TMBIM4: variants seen among roughly 807,000 people sequenced by gnomAD.
TMBIM4 encodes the protein protein lifeguard 4.
In TMBIM4, 28 loss-of-function variants were observed where a neutral mutation model predicts 27.7. The ratio of observed to expected loss-of-function variants is 1.01; its 90% confidence interval spans 0.75 to 1.38. The LOEUF is 1.38. Ranked by LOEUF, TMBIM4 falls within the 40% of genes most tolerant of loss-of-function variation. The pLI is 0.00. For missense variants in TMBIM4, 265 were observed against 277.5 expected (o/e 0.95, Z 0.32); for synonymous variants, 115 against 113.1 (o/e 1.02, Z -0.11).
At chr12:66,159,727 A>C (rs891902430) in intron 1 of TMBIM4, among the ~76,000 whole-genome samples, 3 of 152,006 alleles carry the variant, frequency 2.0e-5, no homozygotes, top group African/African-American at 7.2e-5. Context: ...GCCACCCTAA[A>C]CGCTAGTTTC....
chr12:66,163,189 TTC>T (rs2052070764), intron 1 of TMBIM4, among the ~76,000 whole-genome samples: 1 of 152,190 alleles, frequency 6.6e-6, no homozygotes, highest in African/African-American at 2.4e-5. Flanking sequence ...AGGTGACCCA[TTC>T]TCTGTCTTCC....
chr12:66,152,309 G>C lies in TMBIM4; in HGVS notation c.274C>G (p.His92Asp). ...AGGTACAGGTTAAGGGGATACTTAT[G>C]TCTGTTTAAAATCAACGCAAAAATC... Reference protein sequence around the residue: ...GLIFALILNRHKYPLNLYLLF... With the variant: ...GLIFALILNRDKYPLNLYLLF... Residue 92 changes from histidine (H) to aspartate (D), a missense_variant, in exon 3 of 7, where the codon CAT becomes GAT. Physicochemically the swap from His to Asp is moderately conservative, Grantham distance 81 (BLOSUM62 -1). Transcript: ENST00000358230. 1 of 1,609,468 alleles carries C rather than the reference G, an allele frequency of 6.2e-7. No homozygotes were observed. The highest frequency in any genetic ancestry group is 8.5e-7 in the Non-Finnish European group (1 of 1,177,370).
At chr12:66,148,470 G>A (rs77974709) in intron 3 of TMBIM4, among the ~76,000 whole-genome samples, 2 of 152,088 alleles carry the variant, frequency 1.3e-5, no homozygotes, top group Non-Finnish European at 1.5e-5. Context: ...GTCTGACTAC[G>A]TAACGATACT....
intron 3 of TMBIM4, among the ~76,000 whole-genome samples, chr12:66,150,824 T>A (rs1342744324): frequency 6.6e-6 from 1 of 152,068 alleles, no homozygotes; most frequent in East Asian, 1.9e-4. Flanking sequence ...AAATTAAAGA[T>A]AGAAAAAGGG....
At chr12:66,139,582 GCGGTCTCCTTGA>G in intron 5 of TMBIM4, 1 of 455,934 alleles carries the variant, frequency 2.2e-6, no homozygotes, top group Non-Finnish European at 4.4e-6. Context: ...ACAGTCACTT[GCGGTCTCCTTGA>G]GTTGAGCAGA....
At chr12:66,165,417 TC>T (rs2052109079) in intron 1 of TMBIM4, among the ~76,000 whole-genome samples, 1 of 134,104 alleles carries the variant, frequency 7.5e-6, no homozygotes, top group Admixed American at 7.4e-5. Flanking sequence ...GTATATATGA[TC>T]CTTTTTTTTT....
At chr12:66,159,729 G>A (rs796989732) in intron 1 of TMBIM4, among the ~76,000 whole-genome samples, 3 of 152,056 alleles carry the variant, frequency 2.0e-5, no homozygotes, top group Admixed American at 6.6e-5. Flanking sequence ...CACCCTAAAC[G>A]CTAGTTTCTA....
intron 3 of TMBIM4, among the ~76,000 whole-genome samples, chr12:66,151,301 T>A (rs2051841499): frequency 6.6e-6 from 1 of 152,196 alleles, no homozygotes; most frequent in Non-Finnish European, 1.5e-5. Flanking sequence ...TCACGTGATC[T>A]CAGCTCACTG....
intron 1 of TMBIM4, chr12:66,169,206 C>T (rs765802877): frequency 2.9e-6 from 2 of 691,744 alleles, no homozygotes; most frequent in East Asian, 2.7e-5. Context: ...ATGGCTTCCA[C>T]GTAGATGAAG....
intron 2 of TMBIM4, 42 bp from the exon 3 acceptor site, chr12:66,152,418 T>C: frequency 2.2e-6 from 3 of 1,338,344 alleles, no homozygotes; most frequent in Non-Finnish European, 3.2e-6. Context: ...AAAGAAAAAA[T>C]AGCATGAGCA....
intron 1 of TMBIM4, among the ~76,000 whole-genome samples, chr12:66,156,622 T>G (rs2051940727): frequency 1.3e-5 from 2 of 152,166 alleles, no homozygotes; most frequent in Admixed American, 1.3e-4. Context: ...CTTAAATACT[T>G]AAATAATCGT....
chr12:66,166,324 G>A (rs1158285418), intron 1 of TMBIM4, among the ~76,000 whole-genome samples: 2 of 151,952 alleles, frequency 1.3e-5, no homozygotes, highest in Non-Finnish European at 2.9e-5. Context: ...AATTAGCTAG[G>A]CATGGTGGCA....
At position 66,153,412 on chromosome 12, in the gene TMBIM4, T is replaced by G. The variant is rs2051883515; in HGVS notation, c.134A>C (p.Gln45Pro). Residue 45 changes from glutamine (Q) to proline (P), a missense_variant, in exon 2 of 7, where the codon CAG becomes CCG. Coordinates refer to ENST00000358230, the MANE Select transcript of TMBIM4 (RefSeq NM_016056.4). Reference sequence around the variant, plus strand: ...TGAAGTCACTGTAGTTAAGAGAACCTGCAGAGAAAGAATGCTGTAGACTTT... The same window carrying G: ...TGAAGTCACTGTAGTTAAGAGAACCGGCAGAGAAAGAATGCTGTAGACTTT... Reference protein sequence around the residue: ...LRKVYSILSLQVLLTTVTSTV... With the variant: ...LRKVYSILSLPVLLTTVTSTV... 1.3e-6 allele frequency: 2 copies of G among 1,599,874 alleles called. No homozygotes were observed. The highest frequency in any genetic ancestry group is 1.3e-5 in the African/African-American group (1 of 74,152).
intron 1 of TMBIM4, 55 bp downstream of exon 1, chr12:66,169,800 G>C: frequency 7.3e-7 from 1 of 1,369,224 alleles, no homozygotes. Flanking sequence ...TCGGCTTCTA[G>C]AGGCCGAGCA....
At chr12:66,160,279 T>C (rs1472461948) in intron 1 of TMBIM4, 2 of 702,482 alleles carry the variant, frequency 2.8e-6, no homozygotes, top group Non-Finnish European at 5.2e-6. Flanking sequence ...ATATATTGTT[T>C]GCTGAAGGTA....
chr12:66,159,449 T>TCATCTTGACTGGAGCCTCCAGTCCAG (rs1417560271), intron 1 of TMBIM4, among the ~76,000 whole-genome samples: 2 of 152,010 alleles, frequency 1.3e-5, no homozygotes, highest in East Asian at 1.9e-4. Flanking sequence ...AGTCCTGCAG[T>TCATCTTGACTGGAGCCTCCAGTCCAG]CATCTTGACT....
At chr12:66,166,010 T>C (rs992194296) in intron 1 of TMBIM4, among the ~76,000 whole-genome samples, 1 of 152,236 alleles carries the variant, frequency 6.6e-6, no homozygotes, top group Non-Finnish European at 1.5e-5. Context: ...TGTCCTCCTA[T>C]GTTTTTATCT....
chr12:66,144,605 A>C (rs1424875222), intron 5 of TMBIM4: 1 of 152,166 alleles, frequency 6.6e-6, no homozygotes, highest in East Asian at 1.9e-4. Context: ...ATTTAGTTTC[A>C]AGTGGACCCA....
At chr12:66,161,325 C>T (rs1367214524) in intron 1 of TMBIM4, among the ~76,000 whole-genome samples, 2 of 152,198 alleles carry the variant, frequency 1.3e-5, no homozygotes, top group African/African-American at 4.8e-5. Context: ...ACTGCAAGCT[C>T]CGCCTCCCAG....
Sources: allele counts gnomAD v4.1 joint callset (sites outside exome capture counted in the v4.1 genomes callset), GRCh38; gene constraint gnomAD v4.1.1; transcripts MANE v1.5; gene names NCBI Gene and HGNC (gene_info 2026-07-23, HGNC 2026-07-21).